NF1: variants seen among roughly 807,000 people sequenced by gnomAD.
NF1 encodes neurofibromin.
In NF1, 122 loss-of-function variants were observed where a neutral mutation model predicts 325.7. The ratio of observed to expected loss-of-function variants is 0.37; its 90% CI spans 0.32 to 0.44. NF1 has a LOEUF of 0.44. Among genes scored for constraint, NF1 ranks in the 20% least tolerant of loss-of-function variants. The pLI is 1.00. For synonymous variants in NF1, 1,091 were observed against 1,186.0 expected, an observed-to-expected ratio of 0.92 and a Z score of 1.65; for missense variants, 2,140 against 3,415.4, an observed-to-expected ratio of 0.63 and a Z score of 9.31.
chr17:31,195,532 G>T (rs2066420532), intron 8 of NF1, among the ~76,000 whole-genome samples: 1 of 151,858 alleles, frequency 6.6e-6, no homozygotes, highest in South Asian at 2.1e-4. Flanking sequence ...ACAGCTCTCC[G>T]TTCTTCCCTA....
chr17:31,261,413 G>T (rs1237708765), intron 34 of NF1, among the ~76,000 whole-genome samples: 1 of 151,992 alleles, frequency 6.6e-6, no homozygotes, highest in Non-Finnish European at 1.5e-5. Flanking sequence ...CCTTACAAAG[G>T]AAGAATGAGT....
rs762735676 is a variant in NF1, at chr17:31,221,944, A to AT, written c.1721+21dup. 1.0e-5 allele frequency: 16 copies of AT among 1,578,134 alleles called. No individual in the cohort carries two copies. The East Asian group carries it at 3.4e-4, about 33-fold the overall frequency. ...TGGGAGATTAGGTATATGTACTTTT[A>AT]TTTTTTAAATTCAACTTTTAAATTT... On this transcript the variant is annotated intron_variant, in intron 15 of 57. Coordinates refer to ENST00000358273, the MANE Select transcript of NF1 (RefSeq NM_001042492.3).
chr17:31,320,488 A>G, intron 36 of NF1: 1 of 1,483,012 alleles, frequency 6.7e-7, no homozygotes, highest in Non-Finnish European at 9.3e-7. Context: ...AATGGTTGTT[A>G]TATGTCATTG....
intron 36 of NF1, among the ~76,000 whole-genome samples, chr17:31,308,368 T>C (rs533096732): frequency 1.3e-5 from 2 of 152,252 alleles, no homozygotes; most frequent in African/African-American, 4.8e-5. Flanking sequence ...CTCGAACTCC[T>C]GACCTCAAGT....
intron 1 of NF1, among the ~76,000 whole-genome samples, chr17:31,117,284 A>G (rs1914013292): frequency 6.6e-6 from 1 of 152,024 alleles, no homozygotes; most frequent in African/African-American, 2.4e-5. Flanking sequence ...CCTGACCTCC[A>G]AAACCGTTTT....
At chr17:31,182,054 T>G (rs1444290034) in intron 7 of NF1, among the ~76,000 whole-genome samples, 2 of 152,190 alleles carry the variant, frequency 1.3e-5, no homozygotes, top group East Asian at 3.9e-4. Flanking sequence ...GGCTCTTTGT[T>G]GTAGAGAAGC....
At chr17:31,235,883 A>C (rs1302490517) in intron 28 of NF1, 35 bp from the exon 29 acceptor site, 176 of 1,607,200 alleles carry the variant, frequency 1.1e-4, no homozygotes, top group Non-Finnish European at 1.5e-4. Context: ...TATATGGAGC[A>C]GGTATAATAA....
chr17:31,153,791 T>A (rs544768635), intron 1 of NF1, among the ~76,000 whole-genome samples: 4 of 150,126 alleles, frequency 2.7e-5, no homozygotes, highest in African/African-American at 7.3e-5. Flanking sequence ...TTTTTTTTTT[T>A]AAAGTAAAGA....
chr17:31,314,889 A>G (rs781326930), intron 36 of NF1, among the ~76,000 whole-genome samples: 5 of 152,134 alleles, frequency 3.3e-5, no homozygotes, highest in Non-Finnish European at 7.4e-5. Flanking sequence ...ACTGTTCTCC[A>G]TAGTGGTTTT....
At chr17:31,122,840 G>A (rs1914550602) in intron 1 of NF1, among the ~76,000 whole-genome samples, 1 of 152,062 alleles carries the variant, frequency 6.6e-6, no homozygotes, top group Non-Finnish European at 1.5e-5. Flanking sequence ...AAGTCAAGAG[G>A]ACTTCTAGGC....
chr17:31,370,648 G>A (rs569473898), intron 57 of NF1, among the ~76,000 whole-genome samples: 5 of 152,080 alleles, frequency 3.3e-5, no homozygotes, highest in Non-Finnish European at 7.4e-5. Flanking sequence ...GTAATTCTCA[G>A]GAATAACACT....
rs2070272477 is a variant in NF1 at position 31,356,450 on chromosome 17, T to C, written c.7616-10T>C. ...TAATGAACTTGCATATTCTTAACTT[T>C]TGTTTATAGGAACAAGGAAAAGTTT... On this transcript the variant is annotated splice_polypyrimidine_tract_variant and intron_variant, in intron 51 of 57. Coordinates refer to ENST00000358273, the MANE Select transcript of NF1 (RefSeq NM_001042492.3). The C allele has an allele frequency of 6.2e-7, 1 of 1,612,848 alleles. No individual in the cohort carries two copies. The highest frequency in any genetic ancestry group is 1.7e-5 in the Admixed American group (1 of 59,990).
intron 1 of NF1, among the ~76,000 whole-genome samples, chr17:31,132,924 C>T (rs1159206038): frequency 6.6e-6 from 1 of 152,166 alleles, no homozygotes; most frequent in African/African-American, 2.4e-5. Flanking sequence ...GCTTCGGCCT[C>T]CCAAAGTGCT....
intron 36 of NF1, among the ~76,000 whole-genome samples, chr17:31,298,356 T>G (rs2068507680): frequency 6.6e-6 from 1 of 152,086 alleles, no homozygotes; most frequent in Admixed American, 6.5e-5. Context: ...TTACGGTATT[T>G]TCGTTACCAA....
At chr17:31,135,202 C>CT (rs1425040548) in intron 1 of NF1, among the ~76,000 whole-genome samples, 1 of 152,120 alleles carries the variant, frequency 6.6e-6, no homozygotes, top group Middle Eastern at 3.2e-3. Context: ...TATGTTTATG[C>CT]TTTTTTCTTG....
chr17:31,184,375 C>T (rs1257349287), intron 8 of NF1, among the ~76,000 whole-genome samples: 6 of 152,060 alleles, frequency 3.9e-5, no homozygotes, highest in East Asian at 3.9e-4. Flanking sequence ...ATGGGCCGGG[C>T]GCGGTGGCTC....
At chr17:31,269,900 C>G (rs1001491617) in intron 36 of NF1, among the ~76,000 whole-genome samples, 4 of 152,212 alleles carry the variant, frequency 2.6e-5, no homozygotes, top group Non-Finnish European at 5.9e-5. Flanking sequence ...TCATGTGCCC[C>G]TTCCTGGAAT....
At chr17:31,296,171 T>C in intron 36 of NF1, 1 of 1,612,852 alleles carries the variant, frequency 6.2e-7, no homozygotes, top group Non-Finnish European at 8.5e-7. Context: ...AATATTCTCT[T>C]GCAGTCCAGA....
rs115134575 is a variant in NF1 at position 31,165,628 on chromosome 17, T to G, written c.479+2252T>G. On this transcript the variant is annotated intron_variant, in intron 4 of 57. Transcript: ENST00000358273. ...CCCGTCAATGTTTCTCCTTTAAGATTAAGATTTGGTTTTTATATTTCTGAC... is the reference window on the plus strand; with the variant it reads ...CCCGTCAATGTTTCTCCTTTAAGATGAAGATTTGGTTTTTATATTTCTGAC... 9.0e-3 allele frequency among the ~76,000 whole-genome samples: 1,369 copies of G among 152,326 alleles called. 19 individuals are homozygous for G. Among genetic ancestry groups the G allele is most frequent in the African/African-American group, 0.032 (1,310 of 41,576 alleles).
Sources: allele counts gnomAD v4.1 joint callset (sites outside exome capture counted in the v4.1 genomes callset), GRCh38; gene constraint gnomAD v4.1.1; transcripts MANE v1.5; gene names NCBI Gene and HGNC (gene_info 2026-07-23, HGNC 2026-07-21).